AGBL3: variants seen among roughly 807,000 people sequenced by gnomAD.
AGBL3 encodes the protein cytosolic carboxypeptidase 3.
In AGBL3, 68 loss-of-function variants were observed where a neutral mutation model predicts 94.5. The ratio of observed to expected loss-of-function variants is 0.72; its 90% CI spans 0.59 to 0.88. The LOEUF is 0.88. Among genes scored for constraint, AGBL3 ranks in the 40% least tolerant of loss-of-function variants. The pLI is 0.00. For missense variants in AGBL3, 934 were observed against 1,103.8 expected (o/e 0.85, Z 2.18); for synonymous variants, 354 against 370.7 (o/e 0.95, Z 0.52).
At chr7:135,050,817 T>A (rs756027017) in intron 11 of AGBL3, among the ~76,000 whole-genome samples, 1 of 152,034 alleles carries the variant, frequency 6.6e-6, no homozygotes, top group Non-Finnish European at 1.5e-5. Context: ...CTACAGGGAG[T>A]ATCTTGTAGA....
chr7:134,994,113 T>A (rs556458023), intron 4 of AGBL3, among the ~76,000 whole-genome samples: 1 of 152,186 alleles, frequency 6.6e-6, no homozygotes, highest in Non-Finnish European at 1.5e-5. Context: ...CACAAACTCA[T>A]ACACAGAGTG....
At chr7:135,071,308 G>A (rs147253505) in intron 12 of AGBL3, among the ~76,000 whole-genome samples, 7 of 151,970 alleles carry the variant, frequency 4.6e-5, no homozygotes, top group African/African-American at 7.2e-5. Flanking sequence ...CATTTTCATC[G>A]TGAAAATGGC....
At chr7:135,071,903 T>C (rs1204257312) in intron 12 of AGBL3, among the ~76,000 whole-genome samples, 1 of 152,078 alleles carries the variant, frequency 6.6e-6, no homozygotes, top group African/African-American at 2.4e-5. Flanking sequence ...AAAGCCAAAA[T>C]TGACAAATGG....
intron 12 of AGBL3, among the ~76,000 whole-genome samples, chr7:135,072,969 GGTGT>G (rs1253079372): frequency 2.6e-5 from 4 of 151,288 alleles, no homozygotes; most frequent in Admixed American, 2.0e-4. Context: ...AAAGATGAGG[GGTGT>G]GTGTATGTGT....
intron 16 of AGBL3, among the ~76,000 whole-genome samples, chr7:135,131,231 CAT>C (rs1828714050): frequency 6.6e-6 from 1 of 152,068 alleles, no homozygotes; most frequent in Non-Finnish European, 1.5e-5. Context: ...CCAAACACCA[CAT>C]GTTTTCACTC....
chr7:134,989,757 C>T (rs1247342889), intron 3 of AGBL3, among the ~76,000 whole-genome samples: 1 of 151,950 alleles, frequency 6.6e-6, no homozygotes, highest in South Asian at 2.1e-4. Flanking sequence ...CTTTCAAACT[C>T]TAAGATATCT....
rs189696122 is a variant in AGBL3, at chr7:135,115,477, C to T, written c.2208C>T (p.Tyr736=). The change falls in exon 16 of 17, where the codon TAC becomes TAT. Residue 736 remains tyrosine, a synonymous_variant. Transcript: ENST00000436302. ...INWTDDEKRS[Y]KDKGIVQTQE... ...GGACAGATGATGAAAAAAGAAGCTACAAGGATAAAGGAATAGTTCAAACTC... is the reference window on the plus strand; with the variant it reads ...GGACAGATGATGAAAAAAGAAGCTATAAGGATAAAGGAATAGTTCAAACTC... 3.1e-4 allele frequency: 475 copies of T among 1,551,276 alleles called. 3 individuals carry two copies. In the African/African-American group the frequency reaches 6.2e-3, roughly 20 times the overall value.
intron 15 of AGBL3, among the ~76,000 whole-genome samples, chr7:135,107,646 A>G (rs955470107): frequency 7.2e-5 from 11 of 152,132 alleles, no homozygotes; most frequent in Admixed American, 2.6e-4. Context: ...TGTGTAGTCA[A>G]TTTTAGAGTA....
chr7:135,034,167 A>T lies in AGBL3; in HGVS notation c.576A>T (p.Gln192His). 6.5e-7 allele frequency: 1 copy of T among 1,548,668 alleles called. No homozygotes were observed. The highest frequency in any genetic ancestry group is 8.7e-7 in the Non-Finnish European group (1 of 1,145,312). ...GTATTAGGGCAGAATACGAATACCA[A>T]TTGACTGTACGCCCTGACCTCTTCA... Reference protein sequence around the residue: ...KVVKVAEYEYQLTVRPDLFTN... With the variant: ...KVVKVAEYEYHLTVRPDLFTN... The change falls in exon 7 of 17, where the codon CAA (glutamine) becomes CAT (histidine). Residue 192 changes from glutamine to histidine, a missense_variant. This residue lies in a region of AGBL3 where 488 missense variants were observed against 563.6 expected (regional missense o/e 0.87). Transcript: ENST00000436302.
At position 135,115,708 on chromosome 7, in the gene AGBL3, C is replaced by G. The variant is rs1350331566; in HGVS notation, c.2342+97C>G. On this transcript the variant is annotated intron_variant, in intron 16 of 16. Transcript: ENST00000436302. ...TATTATCCTACGAAAAAAAAATCTG[C>G]TCTTGAAAATGATGTCAGCTCCATC... The G allele has an allele frequency of 8.6e-6, 9 of 1,047,080 alleles. No homozygotes were observed. In the South Asian group the frequency reaches 1.7e-4, roughly 19 times the overall value. The allele number at this position is 1,047,080 out of a possible 1,614,324, so 64.9% of individuals were successfully genotyped here.
Position 135,128,733 on chromosome 7 carries a change from A to G in AGBL3, c.2343-6108A>G. The G allele has an allele frequency of 2.9e-6, 4 of 1,384,224 alleles. No individual in the cohort carries two copies. The South Asian group carries it at 3.6e-5, about 13-fold the overall frequency. The allele number at this position is 1,384,224 out of a possible 1,614,324, so 85.7% of individuals were successfully genotyped here. On this transcript the variant is annotated intron_variant, in intron 16 of 16. Coordinates refer to ENST00000436302, the MANE Select transcript of AGBL3 (RefSeq NM_178563.4). Reference sequence around the variant, plus strand: ...TGATTCTCAGAAAAAAAGTGCAGAGAAGGACAGCTCAAGCCTCTCCCAACA... The same window carrying G: ...TGATTCTCAGAAAAAAAGTGCAGAGGAGGACAGCTCAAGCCTCTCCCAACA...
chr7:135,013,980 A>G (rs914439668), intron 4 of AGBL3, among the ~76,000 whole-genome samples: 1 of 152,154 alleles, frequency 6.6e-6, no homozygotes, highest in East Asian at 1.9e-4. Flanking sequence ...GGATTGCCTG[A>G]GCTCAGGAGT....
chr7:135,051,596 G>GT (rs202102761), intron 11 of AGBL3, among the ~76,000 whole-genome samples: 1,529 of 151,174 alleles, frequency 0.01, 25 homozygotes, highest in African/African-American at 0.035. Context: ...TTGCGTCTAG[G>GT]TTTTTTTTTC....
chr7:135,050,059 T>C (rs1326841908), intron 11 of AGBL3, among the ~76,000 whole-genome samples: 1 of 151,998 alleles, frequency 6.6e-6, no homozygotes, highest in Non-Finnish European at 1.5e-5. Flanking sequence ...CTCTTAGTAC[T>C]GCTTTTGCTA....
Position 135,034,197 on chromosome 7 carries a change from T to G in AGBL3, c.606T>G (p.Asn202Lys), listed in dbSNP as rs1816069422. 6.4e-7 allele frequency: 1 copy of G among 1,551,510 alleles called. No homozygotes were observed. The highest frequency in any genetic ancestry group is 1.4e-5 in the African/African-American group (1 of 73,046). ...QLTVRPDLFT[N>K]KHTQWYYFQV... is the part of the protein sequence containing the mutation. ...CTGTACGCCCTGACCTCTTCACAAA[T>G]AAACACACCCAGTGGTACTATTTCC... is the stretch of plus-strand genomic sequence containing the variant. Residue 202 changes from asparagine to lysine, a missense_variant, in exon 7 of 17, where the codon AAT becomes AAG. By Grantham distance (94) the Asn-to-Lys change is moderately conservative. Coordinates refer to ENST00000436302, the MANE Select transcript of AGBL3 (RefSeq NM_178563.4).
chr7:135,007,754 A>G (rs545196583), intron 4 of AGBL3, among the ~76,000 whole-genome samples: 1 of 152,020 alleles, frequency 6.6e-6, no homozygotes, highest in Non-Finnish European at 1.5e-5. Flanking sequence ...TTGTACATAG[A>G]AAATCCTAAG....
rs562687378 is a variant in AGBL3 at position 135,069,173 on chromosome 7, C to T, written c.1909-7224C>T. Among the ~76,000 whole-genome samples the T allele has an allele frequency of 4.3e-4, 66 of 152,270 alleles. No homozygotes were observed. The East Asian group carries it at 0.012, about 28-fold the overall frequency. On this transcript the variant is annotated intron_variant, in intron 12 of 16. Coordinates refer to ENST00000436302, the MANE Select transcript of AGBL3 (RefSeq NM_178563.4). ...AAAGGGATCAATTCAACAAGAAGAG[C>T]TAACTATCCTAAATATATATGCACC...
chr7:135,111,285 C>T (rs754549919), intron 15 of AGBL3, among the ~76,000 whole-genome samples: 16 of 152,194 alleles, frequency 1.1e-4, no homozygotes, highest in Non-Finnish European at 2.2e-4. Flanking sequence ...GTCTTACTCA[C>T]CTTCCTCAAA....
In AGBL3 at chr7:135,052,068, C is replaced by A. The variant is rs188160617; in HGVS notation, c.1841+6157C>A. On this transcript the variant is annotated intron_variant, in intron 11 of 16. Transcript: ENST00000436302. The stretch of plus-strand genomic sequence containing the variant: ...TCAAAACCATATAACAGGGAACATT[C>A]AAAAAAGTGTTGATTCTACCCCATC... Among the ~76,000 whole-genome samples the A allele has an allele frequency of 3.1e-3, 471 of 152,098 alleles. 3 individuals are homozygous for A. Among genetic ancestry groups the A allele is most frequent in the Middle Eastern group, 0.014 (4 of 294 alleles).
Sources: allele counts gnomAD v4.1 joint callset (sites outside exome capture counted in the v4.1 genomes callset), GRCh38; gene constraint gnomAD v4.1.1; regional missense constraint gnomAD v4.1.1; transcripts MANE v1.5; gene names NCBI Gene and HGNC (gene_info 2026-07-23, HGNC 2026-07-21).